Variants in SEMA5A observed in about 807,000 individuals in gnomAD.
SEMA5A encodes the protein semaphorin 5A.
Under a neutral mutation model 135.5 loss-of-function variants are expected in SEMA5A, and 55 were observed. The ratio of observed to expected loss-of-function variants is 0.41; its 90% CI spans 0.33 to 0.51. SEMA5A has a LOEUF of 0.51. Among genes scored for constraint, SEMA5A ranks in the 20% least tolerant of loss-of-function variants. The pLI, the probability that SEMA5A is intolerant of heterozygous loss-of-function variation, is 0.37. For missense variants in SEMA5A, 1,290 were observed against 1,419.9 expected, an observed-to-expected ratio of 0.91 and a Z score of 1.47; for synonymous variants, 580 against 546.5, an observed-to-expected ratio of 1.06 and a Z score of -0.85.
At chr5:9,078,980 T>C (rs1300886772) in intron 16 of SEMA5A, among the ~76,000 whole-genome samples, 1 of 152,036 alleles carries the variant, frequency 6.6e-6, no homozygotes, top group Non-Finnish European at 1.5e-5. Context: ...AGTTTTGAGC[T>C]TTTGAGAAAT....
rs74516516 is a variant in SEMA5A, at chr5:9,157,638, G to A, written c.1274-2943C>T. The stretch of plus-strand genomic sequence containing the variant: ...GGCAGGCTCCAGGCATGCACATGGT[G>A]GCCCCATGCTCCTTCATGCCTCCAT... On this transcript the variant is annotated intron_variant, in intron 11 of 22. Coordinates refer to ENST00000382496, the MANE Select transcript of SEMA5A (RefSeq NM_003966.3). Among the ~76,000 whole-genome samples, 495 of 152,212 alleles carry A rather than the reference G, an allele frequency of 3.3e-3. 2 individuals are homozygous for A. The highest frequency in any genetic ancestry group is 0.011 in the African/African-American group (473 of 41,534).
chr5:9,110,226 C>T (rs1022805980), intron 15 of SEMA5A, among the ~76,000 whole-genome samples: 1 of 152,156 alleles, frequency 6.6e-6, no homozygotes, highest in African/African-American at 2.4e-5. Flanking sequence ...CAGGAAACTT[C>T]CACAGAGCTC....
chr5:9,049,333 AC>A (rs1484246078), intron 21 of SEMA5A, among the ~76,000 whole-genome samples: 1 of 151,864 alleles, frequency 6.6e-6, no homozygotes, highest in Non-Finnish European at 1.5e-5. Context: ...GCTAATTTTT[AC>A]ATTTTTTGGT....
chr5:9,361,867 T>C (rs994248562), intron 3 of SEMA5A, among the ~76,000 whole-genome samples: 2 of 152,150 alleles, frequency 1.3e-5, no homozygotes, highest in African/African-American at 4.8e-5. Context: ...GAGTTCACCA[T>C]CACCAAGAAG....
intron 2 of SEMA5A, among the ~76,000 whole-genome samples, chr5:9,410,264 T>C (rs745879891): frequency 2.6e-5 from 4 of 152,172 alleles, no homozygotes; most frequent in Non-Finnish European, 4.4e-5. Context: ...ACTCCAGAAA[T>C]GGATACTAAG....
At chr5:9,318,596 C>T (rs1262892047) in intron 4 of SEMA5A, among the ~76,000 whole-genome samples, 179 bp from the exon 5 acceptor site, 1 of 152,096 alleles carries the variant, frequency 6.6e-6, no homozygotes, top group African/African-American at 2.4e-5. Context: ...TTCAAGAGGT[C>T]AACAAATACA....
chr5:9,199,082 G>C (rs1745567414), intron 9 of SEMA5A, among the ~76,000 whole-genome samples: 1 of 152,112 alleles, frequency 6.6e-6, no homozygotes, highest in Non-Finnish European at 1.5e-5. Flanking sequence ...TACCTGCTTT[G>C]CATGGGGCCC....
chr5:9,382,932 G>A (rs180827033), intron 2 of SEMA5A, among the ~76,000 whole-genome samples: 1 of 152,286 alleles, frequency 6.6e-6, no homozygotes, highest in Admixed American at 6.5e-5. Context: ...AGAGAAACAG[G>A]TAATGGCACT....
At chr5:9,176,435 C>A (rs565067910) in intron 11 of SEMA5A, among the ~76,000 whole-genome samples, 11 of 152,194 alleles carry the variant, frequency 7.2e-5, no homozygotes, top group Non-Finnish European at 1.5e-4. Flanking sequence ...TAGCTGGCAT[C>A]CTGATTGCAG....
At chr5:9,185,346 A>G (rs764551358) in intron 11 of SEMA5A, among the ~76,000 whole-genome samples, 7 of 152,220 alleles carry the variant, frequency 4.6e-5, no homozygotes, top group Admixed American at 1.3e-4. Context: ...TTCAGCAGCT[A>G]GAAGCATATA....
intron 8 of SEMA5A, among the ~76,000 whole-genome samples, chr5:9,215,333 T>C (rs564090641): frequency 6.6e-6 from 1 of 152,304 alleles, no homozygotes; most frequent in East Asian, 1.9e-4. Context: ...GACAGTGTTA[T>C]AGTTTAACTG....
intron 3 of SEMA5A, among the ~76,000 whole-genome samples, chr5:9,364,810 T>C (rs1393618098): frequency 6.6e-6 from 1 of 152,242 alleles, no homozygotes; most frequent in Non-Finnish European, 1.5e-5. Flanking sequence ...ACTCATATTT[T>C]TGAATTTCGA....
intron 17 of SEMA5A, among the ~76,000 whole-genome samples, chr5:9,063,393 T>C (rs539010559): frequency 6.6e-6 from 1 of 152,312 alleles, no homozygotes; most frequent in African/African-American, 2.4e-5. Flanking sequence ...AGGTAGTTCG[T>C]TTACTTTTTG....
rs577174941 is a variant in SEMA5A, at chr5:9,233,919, A to G, written c.333+3909T>C. Among the ~76,000 whole-genome samples the G allele has an allele frequency of 2.3e-4, 35 of 150,734 alleles. No homozygotes were observed. In the South Asian group the frequency reaches 7.4e-3, roughly 32 times the overall value. On this transcript the variant is annotated intron_variant, in intron 6 of 22. Transcript: ENST00000382496. Reference sequence around the variant, plus strand: ...ACAGACCACTTTTCTCAGAGTAGGAAAAAAAAAAAACAACTTCAGTTTAAA... The same window carrying G: ...ACAGACCACTTTTCTCAGAGTAGGAGAAAAAAAAAACAACTTCAGTTTAAA...
At chr5:9,271,464 G>A (rs951893599) in intron 5 of SEMA5A, among the ~76,000 whole-genome samples, 2 of 152,150 alleles carry the variant, frequency 1.3e-5, no homozygotes, top group African/African-American at 2.4e-5. Context: ...AACAGTTAGG[G>A]GCTAGAACAG....
chr5:9,076,837 C>T (rs376073978), intron 16 of SEMA5A, among the ~76,000 whole-genome samples: 1 of 151,394 alleles, frequency 6.6e-6, no homozygotes, highest in African/African-American at 2.4e-5. Context: ...ACCACATAGC[C>T]AGCCAGTGCA....
intron 2 of SEMA5A, among the ~76,000 whole-genome samples, chr5:9,387,627 T>C (rs1755954462): frequency 6.6e-6 from 1 of 152,196 alleles, no homozygotes; most frequent in Non-Finnish European, 1.5e-5. Context: ...CTAGAAGGAA[T>C]GTATTAAATG....
rs182163990 is a variant in SEMA5A at position 9,040,266 on chromosome 5, G to A, written c.*2631C>T. On this transcript the variant is annotated 3_prime_UTR_variant, in exon 23 of 23. Transcript: ENST00000382496. ...AAGATAAAGAAAGAGAGAATGAAAA[G>A]GTCATTCAGGAATTTAAAATGTGAA... is the stretch of plus-strand genomic sequence containing the variant. The A allele has an allele frequency of 2.1e-3, 326 of 152,320 alleles. No homozygotes were observed. The highest frequency in any genetic ancestry group is 7.4e-3 in the African/African-American group (306 of 41,558). The allele number at this position is 152,320 out of a possible 1,614,324, so 9.4% of individuals were successfully genotyped here. A position where few individuals can be genotyped will look rare whatever the true frequency, so the allele number is the denominator to read the frequency against.
intron 4 of SEMA5A, among the ~76,000 whole-genome samples, chr5:9,322,765 C>T (rs1752687555): frequency 6.6e-6 from 1 of 152,124 alleles, no homozygotes; most frequent in Admixed American, 6.5e-5. Context: ...TCCTTTGTCC[C>T]ATTATGCCTC....
Sources: gnomAD v4.1 joint callset for allele counts (sites outside exome capture counted in the v4.1 genomes callset) on GRCh38, gnomAD v4.1.1 for gene constraint, MANE v1.5 for transcripts, NCBI Gene and HGNC (gene_info 2026-07-23, HGNC 2026-07-21) for gene names.